CEP85: variants seen among roughly 807,000 people sequenced by gnomAD.
CEP85 encodes centrosomal protein 85.
In CEP85, 58 loss-of-function variants were observed where a neutral mutation model predicts 93.7. That is an observed-to-expected ratio of 0.62 (90% CI 0.50 to 0.77). CEP85 has a LOEUF of 0.77. CEP85 is among the 30% of genes least tolerant of loss of function. CEP85 has a pLI of 0.00. For missense variants in CEP85, 868 were observed against 922.0 expected, an observed-to-expected ratio of 0.94 and a Z score of 0.76; for synonymous variants, 314 against 338.6, an observed-to-expected ratio of 0.93 and a Z score of 0.80.
intron 3 of CEP85, among the ~76,000 whole-genome samples, chr1:26,249,564 G>A (rs2089571656): frequency 6.6e-6 from 1 of 152,210 alleles, no homozygotes; most frequent in Non-Finnish European, 1.5e-5. Context: ...GGACAGAGTA[G>A]AGGTGGGTAC....
chr1:26,237,621 T>C lies in CEP85; in HGVS notation c.-22-2141T>C, dbSNP rs150278640. Reference sequence around the variant, plus strand: ...TGGACGTTTGTGTTGTTTCCACTTTTTGGCTATTGTAAATAATGCTGCTAC... The same window carrying C: ...TGGACGTTTGTGTTGTTTCCACTTTCTGGCTATTGTAAATAATGCTGCTAC... On this transcript the variant is annotated intron_variant, in intron 1 of 13. Coordinates refer to ENST00000451429, the MANE Select transcript of CEP85 (RefSeq NM_001319944.2). 3.3e-3 allele frequency among the ~76,000 whole-genome samples: 509 copies of C among 152,368 alleles called. 4 individuals carry two copies. The highest frequency in any genetic ancestry group is 0.011 in the African/African-American group (470 of 41,588).
intron 4 of CEP85, among the ~76,000 whole-genome samples, chr1:26,256,447 C>G (rs2089702837): frequency 6.6e-6 from 1 of 151,902 alleles, no homozygotes; most frequent in African/African-American, 2.4e-5. Context: ...AGGAGAATTG[C>G]TTGAACCTGG....
In CEP85 at chr1:26,268,505, T is replaced by C. The variant is rs904552152; in HGVS notation, c.1364T>C (p.Ile455Thr). ...TAGGTCAAAGGTCGTGATAAACATA[T>C]CAATAATTTGAAAAAGAAATGCCAG... ...EERVKGRDKH[I>T]NNLKKKCQKE... Residue 455 changes from isoleucine to threonine, a missense_variant, in exon 8 of 14, where the codon ATC (isoleucine) becomes ACC (threonine). Physicochemically the swap from Ile to Thr is moderately conservative, Grantham distance 89. Coordinates refer to ENST00000451429, the MANE Select transcript of CEP85 (RefSeq NM_001319944.2). 1.2e-6 allele frequency: 2 copies of C among 1,613,976 alleles called. No homozygotes were observed. Among genetic ancestry groups the C allele is most frequent in the South Asian group, 1.1e-5 (1 of 91,058 alleles).
intron 1 of CEP85, among the ~76,000 whole-genome samples, chr1:26,238,466 G>GA: frequency 6.6e-6 from 1 of 151,936 alleles, no homozygotes; most frequent in South Asian, 2.1e-4. Context: ...AAAGTGCTGG[G>GA]ATTACAGGCG....
chr1:26,252,063 TC>T (rs2089625706), intron 3 of CEP85, among the ~76,000 whole-genome samples: 1 of 151,510 alleles, frequency 6.6e-6, no homozygotes, highest in African/African-American at 2.4e-5. Context: ...TGAAACCCCG[TC>T]TACTAAAAAT....
At position 26,259,660 on chromosome 1, in the gene CEP85, A is replaced by C; in HGVS notation, c.1199A>C (p.Gln400Pro). 1 of 1,613,386 alleles carries C rather than the reference A, an allele frequency of 6.2e-7. No homozygotes were observed. Among genetic ancestry groups the C allele is most frequent in the Admixed American group, 1.7e-5 (1 of 59,790 alleles). Residue 400 changes from glutamine to proline, a missense_variant, in exon 7 of 14, where the codon CAG becomes CCG. Physicochemically the swap from Gln to Pro is moderately conservative, Grantham distance 76. Coordinates refer to ENST00000451429, the MANE Select transcript of CEP85 (RefSeq NM_001319944.2). The stretch of plus-strand genomic sequence containing the variant: ...ACTTTCTTACGTGCACAGTTTGCAC[A>C]GAAGACAGAAGCCTTGAGCAGAGAA... ...ENTFLRAQFA[Q>P]KTEALSREKI... is the part of the protein sequence containing the mutation.
chr1:26,252,089 G>A (rs962583204), intron 3 of CEP85, among the ~76,000 whole-genome samples: 1 of 152,068 alleles, frequency 6.6e-6, no homozygotes, highest in Non-Finnish European at 1.5e-5. Flanking sequence ...AAATTAGCCA[G>A]GCATGGTGGC....
At chr1:26,239,530 T>G (rs1046227168) in intron 1 of CEP85, among the ~76,000 whole-genome samples, 1 of 152,086 alleles carries the variant, frequency 6.6e-6, no homozygotes, top group Non-Finnish European at 1.5e-5. Context: ...TTTTGTGTTT[T>G]TAGTAGAAAT....
intron 9 of CEP85, among the ~76,000 whole-genome samples, chr1:26,269,860 C>T (rs1399457226): frequency 7.6e-6 from 1 of 131,856 alleles, no homozygotes. Flanking sequence ...AATCTTGGCT[C>T]ACTGCAAGCT....
Position 26,278,025 on chromosome 1 carries a change from G to C in CEP85, c.*732G>C, listed in dbSNP as rs1418785893. On this transcript the variant is annotated 3_prime_UTR_variant, in exon 14 of 14. Coordinates refer to ENST00000451429, the MANE Select transcript of CEP85 (RefSeq NM_001319944.2). ...TTCTCCTTTGTTCTCAGGCCTTCCA[G>C]GTAGTCCCCTTCCTGGACTTAAGAG... The C allele has an allele frequency of 6.6e-6, 1 of 152,552 alleles. No individual in the cohort carries two copies. Among genetic ancestry groups the C allele is most frequent in the African/African-American group, 2.4e-5 (1 of 41,390 alleles). The allele number at this position is 152,552 out of a possible 1,614,324, so 9.4% of individuals were successfully genotyped here. A position where few individuals can be genotyped will look rare whatever the true frequency, so the allele number is the denominator to read the frequency against.
chr1:26,274,323 G>A (rs1209085809), intron 11 of CEP85, among the ~76,000 whole-genome samples: 1 of 152,152 alleles, frequency 6.6e-6, no homozygotes, highest in Non-Finnish European at 1.5e-5. Flanking sequence ...GACAGGAACT[G>A]TTTGGTGTTC....
chr1:26,244,313 C>G lies in CEP85; in HGVS notation c.203C>G (p.Ala68Gly), dbSNP rs556866666. The G allele has an allele frequency of 1.2e-6, 2 of 1,612,590 alleles. No homozygotes were observed. Among genetic ancestry groups the G allele is most frequent in the Non-Finnish European group, 1.7e-6 (2 of 1,179,218 alleles). Residue 68 changes from alanine (A) to glycine (G), a missense_variant, in exon 3 of 14, where the codon GCG becomes GGG. Ala to Gly is a moderately conservative substitution (Grantham distance 60). Transcript: ENST00000451429. ...TAIGTSCSDI[A>G]EDFCSSSGSP... ...ATTGGTACATCATGCTCAGATATTGCGGAGGGTAAGTTTGTATTAATGATT... is the reference window on the plus strand; with the variant it reads ...ATTGGTACATCATGCTCAGATATTGGGGAGGGTAAGTTTGTATTAATGATT...
At chr1:26,241,242 GAA>G (rs2089419015) in intron 2 of CEP85, among the ~76,000 whole-genome samples, 5 of 32,022 alleles carry the variant, frequency 1.6e-4, no homozygotes, top group Non-Finnish European at 2.6e-4. Flanking sequence ...TCATTCAGCA[GAA>G]TTTTTTTTTT....
intron 1 of CEP85, among the ~76,000 whole-genome samples, chr1:26,236,387 T>C (rs1418800681): frequency 2.0e-5 from 3 of 151,540 alleles, no homozygotes; most frequent in Non-Finnish European, 4.4e-5. Flanking sequence ...ACCAATCCTG[T>C]TGGGTGCTTT....
chr1:26,260,876 A>G (rs1346249058), intron 7 of CEP85, among the ~76,000 whole-genome samples: 1 of 150,858 alleles, frequency 6.6e-6, no homozygotes, highest in Admixed American at 6.6e-5. Flanking sequence ...CTGCAACCTC[A>G]GCCTCCTGGG....
At chr1:26,263,265 C>A in intron 7 of CEP85, 1 of 341,694 alleles carries the variant, frequency 2.9e-6, no homozygotes, top group South Asian at 2.8e-5. Flanking sequence ...AGGAAGTGCT[C>A]ATTTGCCCAG....
At position 26,237,800 on chromosome 1, in the gene CEP85, C is replaced by T. The variant is rs565307793; in HGVS notation, c.-22-1962C>T. 3.9e-5 allele frequency among the ~76,000 whole-genome samples: 6 copies of T among 152,224 alleles called. No homozygotes were observed. The South Asian group carries it at 1.2e-3, about 32-fold the overall frequency. ...CTGAATTTAGAAACACCTTAGAATC[C>T]AGTGCGCCTACCATTTTGTTATCCT... is the stretch of plus-strand genomic sequence containing the variant. On this transcript the variant is annotated intron_variant, in intron 1 of 13. Coordinates refer to ENST00000451429, the MANE Select transcript of CEP85 (RefSeq NM_001319944.2).
intron 3 of CEP85, among the ~76,000 whole-genome samples, chr1:26,246,548 A>T (rs1361362223): frequency 6.6e-6 from 1 of 152,086 alleles, no homozygotes; most frequent in Non-Finnish European, 1.5e-5. Flanking sequence ...AGCCTGGGCA[A>T]CACGGTGAAA....
intron 2 of CEP85, among the ~76,000 whole-genome samples, chr1:26,242,810 A>G (rs368999028): frequency 1.6e-4 from 17 of 109,062 alleles, no homozygotes; most frequent in African/African-American, 3.7e-4. Flanking sequence ...TTGTTTGTTT[A>G]TTTGTTTACA....
Sources: gnomAD v4.1 joint callset for allele counts (sites outside exome capture counted in the v4.1 genomes callset) on GRCh38, gnomAD v4.1.1 for gene constraint, MANE v1.5 for transcripts, NCBI Gene and HGNC (gene_info 2026-07-23, HGNC 2026-07-21) for gene names.